The following ABCB4 variants were observed in gnomAD, a reference collection of about 807,000 sequenced individuals.
ABCB4 encodes phosphatidylcholine translocator ABCB4.
In ABCB4, 76 loss-of-function variants were observed where a neutral mutation model predicts 145.7. The observed-to-expected ratio is 0.52, with a 90% CI of 0.43 to 0.63. The LOEUF (loss-of-function observed/expected upper bound fraction) is 0.63. Ranked by LOEUF, ABCB4 falls within the 30% of genes least tolerant of loss-of-function variation. ABCB4 has a pLI of 0.00. For synonymous variants in ABCB4, 517 were observed against 566.8 expected, an observed-to-expected ratio of 0.91 and a Z score of 1.25; for missense variants, 1,234 against 1,553.1, an observed-to-expected ratio of 0.79 and a Z score of 3.45.
rs375626805 is a variant in ABCB4, at chr7:87,443,645, A to G, written c.1230+18T>C. 2.5e-5 allele frequency: 40 copies of G among 1,601,434 alleles called. No individual in the cohort carries two copies. The African/African-American group carries it at 5.2e-4, about 21-fold the overall frequency. ...ATCAACCTCAGTTAGGAATTCCTAT[A>G]AATATTACTTACAGTACCTTGACGT... On this transcript the variant is annotated intron_variant, in intron 11 of 27. Transcript: ENST00000649586.
intron 7 of ABCB4, 112 bp from the exon 8 acceptor site, chr7:87,450,204 T>G: frequency 1.4e-6 from 2 of 1,442,576 alleles, no homozygotes; most frequent in Non-Finnish European, 1.9e-6. Flanking sequence ...TTAACAAATA[T>G]TAAAGTCATG....
At chr7:87,389,731 C>A in the ABCB4 span, among the ~76,000 whole-genome samples, 1 of 152,108 alleles carries the variant, frequency 6.6e-6, no homozygotes, top group South Asian at 2.1e-4. Context: ...TGTAATAAAC[C>A]TGCACATTCT....
chr7:87,450,152 G>A, intron 7 of ABCB4, 60 bp from the exon 8 acceptor site: 1 of 1,603,800 alleles, frequency 6.2e-7, no homozygotes, highest in Non-Finnish European at 8.5e-7. Flanking sequence ...AAGGCACTCT[G>A]GTCAACCCTT....
chr7:87,388,593 A>C, the ABCB4 span, among the ~76,000 whole-genome samples: 3 of 152,294 alleles, frequency 2.0e-5, no homozygotes, highest in African/African-American at 7.2e-5. Context: ...CTGAAACTGG[A>C]CCCCTTCCTT....
the ABCB4 span, chr7:87,392,679 T>C: frequency 6.2e-7 from 1 of 1,610,348 alleles, no homozygotes; most frequent in African/African-American, 1.3e-5. Flanking sequence ...CTTAAAAATC[T>C]CTCATGGTGA....
At chr7:87,459,435 T>C (rs1342988405) in intron 4 of ABCB4, among the ~76,000 whole-genome samples, 4 of 152,196 alleles carry the variant, frequency 2.6e-5, no homozygotes, top group Non-Finnish European at 5.9e-5. Context: ...TAGCGTCATG[T>C]CCTCAAGGTT....
intron 21 of ABCB4, 87 bp downstream of exon 21, chr7:87,417,225 A>G: frequency 3.2e-6 from 4 of 1,251,666 alleles, no homozygotes; most frequent in Non-Finnish European, 4.6e-6. Context: ...TTTAATTATT[A>G]AAGCCTGCAT....
the ABCB4 span, among the ~76,000 whole-genome samples, chr7:87,366,740 G>A: frequency 6.6e-6 from 1 of 152,118 alleles, no homozygotes. Context: ...CCTCTCCCCA[G>A]TACTGATGTG....
intron 7 of ABCB4, 58 bp from the exon 8 acceptor site, chr7:87,450,150 C>T (rs1364059549): frequency 1.2e-6 from 2 of 1,604,806 alleles, no homozygotes; most frequent in East Asian, 2.2e-5. Flanking sequence ...TAAAGGCACT[C>T]TGGTCAACCC....
rs905539660 is a variant in ABCB4 at position 87,431,578 on chromosome 7, A to C, written c.1732-13T>G. ...GGCCTTCTCTGGCCTAAAAGAACAA[A>C]AATGTGGTGCATCAGGGTTACAGTA... On this transcript the variant is annotated splice_polypyrimidine_tract_variant and intron_variant, in intron 14 of 27. Transcript: ENST00000649586. 6 of 1,613,860 alleles carry C rather than the reference A, an allele frequency of 3.7e-6. No homozygotes were observed. The highest frequency in any genetic ancestry group is 5.1e-6 in the Non-Finnish European group (6 of 1,179,888).
At chr7:87,375,347 A>G in the ABCB4 span, 1 of 309,908 alleles carries the variant, frequency 3.2e-6, no homozygotes, top group Non-Finnish European at 6.0e-6. Flanking sequence ...CTTGCAACCT[A>G]GAAGTGCATG....
chr7:87,434,478 G>A (rs532391140), intron 14 of ABCB4, among the ~76,000 whole-genome samples: 131 of 152,094 alleles, frequency 8.6e-4, no homozygotes, highest in African/African-American at 3.0e-3. Context: ...GGCCGGGCGC[G>A]GTGGCTCACA....
chr7:87,463,003 CT>C, intron 3 of ABCB4, 95 bp from the exon 4 acceptor site: 2 of 1,171,468 alleles, frequency 1.7e-6, no homozygotes, highest in Non-Finnish European at 2.4e-6. Flanking sequence ...AAAGTCAGTA[CT>C]TTTTTAAGAG....
intron 9 of ABCB4, among the ~76,000 whole-genome samples, chr7:87,446,613 CTTCTT>C (rs1463638443): frequency 6.6e-6 from 1 of 152,106 alleles, no homozygotes; most frequent in African/African-American, 2.4e-5. Flanking sequence ...CATAACATCT[CTTCTT>C]GTATTTCAGA....
At position 87,448,260 on chromosome 7, in the gene ABCB4, C is replaced by G. The variant is rs563505377; in HGVS notation, c.834-1055G>C. Among the ~76,000 whole-genome samples, 31 of 151,886 alleles carry G rather than the reference C, an allele frequency of 2.0e-4. 2 individuals are homozygous for G. In the South Asian group the frequency reaches 3.1e-3, roughly 15 times the overall value. ...CTTCGAGGGGAAAATATCACACAAA[C>G]TAGGATATTTTTCTTTGTGACAAAA... On this transcript the variant is annotated intron_variant, in intron 8 of 27. Transcript: ENST00000649586.
chr7:87,458,297 A>G (rs1423496099), intron 4 of ABCB4, among the ~76,000 whole-genome samples: 1 of 152,250 alleles, frequency 6.6e-6, no homozygotes, highest in Non-Finnish European at 1.5e-5. Flanking sequence ...TGTTGTGTGC[A>G]TACTTTCTGC....
intron 14 of ABCB4, among the ~76,000 whole-genome samples, chr7:87,438,402 G>C (rs923111005): frequency 2.0e-5 from 3 of 152,100 alleles, no homozygotes; most frequent in African/African-American, 4.8e-5. Flanking sequence ...GCAAGAATTT[G>C]TAAGGAATAA....
At chr7:87,445,511 C>G (rs748369787) in intron 9 of ABCB4, among the ~76,000 whole-genome samples, 18 of 152,312 alleles carry the variant, frequency 1.2e-4, no homozygotes, top group Non-Finnish European at 2.2e-4. Context: ...TAGCATACAA[C>G]ACTTAACACA....
At chr7:87,446,806 T>C (rs1487439968) in intron 9 of ABCB4, among the ~76,000 whole-genome samples, 4 of 152,242 alleles carry the variant, frequency 2.6e-5, no homozygotes, top group Admixed American at 2.6e-4. Context: ...ACATTGTATA[T>C]GTTTCACAAA....
Sources: allele counts gnomAD v4.1 joint callset (sites outside exome capture counted in the v4.1 genomes callset), GRCh38; gene constraint gnomAD v4.1.1; transcripts MANE v1.5; gene names NCBI Gene and HGNC (gene_info 2026-07-23, HGNC 2026-07-21).